Variants in DYM observed in about 807,000 individuals in gnomAD.
DYM encodes the protein dyggve-Melchior-Clausen syndrome protein.
DYM carries 78 observed loss-of-function variants against 93.1 expected under a neutral mutation model. The observed-to-expected ratio is 0.84, with a 90% CI of 0.70 to 1.01. The LOEUF is 1.01. Among genes scored for constraint, DYM ranks in the 50% least tolerant of loss-of-function variants. The probability of loss-of-function intolerance (pLI) is 0.00; values close to 1 mark genes in which losing one functional copy is unlikely to be tolerated. For synonymous variants in DYM, 321 were observed against 319.7 expected (o/e 1.00, Z -0.04); for missense variants, 789 against 845.0 (o/e 0.93, Z 0.82).
intron 5 of DYM, chr18:49,375,606 A>G (rs2067434627): frequency 6.6e-6 from 1 of 152,216 alleles, no homozygotes; most frequent in African/African-American, 2.4e-5. Flanking sequence ...TTCAAGAATA[A>G]TAAAGTTATC....
Position 49,040,928 on chromosome 18 carries a change from C to T in DYM, c.*3127G>A, listed in dbSNP as rs1409279894. Among the ~76,000 whole-genome samples, 1 of 152,236 alleles carries T rather than the reference C, an allele frequency of 6.6e-6. No individual in the cohort carries two copies. Among genetic ancestry groups the T allele is most frequent in the East Asian group, 1.9e-4 (1 of 5,204 alleles). On this transcript the variant is annotated 3_prime_UTR_variant, in exon 18 of 18. Transcript: ENST00000675505. Reference sequence around the variant, plus strand: ...AATATTTCTCTTGGATGTACCTTAGCAAGCTCTTAGGAAGTTGCTGAGTGT... The same window carrying T: ...AATATTTCTCTTGGATGTACCTTAGTAAGCTCTTAGGAAGTTGCTGAGTGT...
intron 3 of DYM, among the ~76,000 whole-genome samples, chr18:49,385,822 G>A (rs532096455): frequency 6.6e-6 from 1 of 152,144 alleles, no homozygotes; most frequent in East Asian, 1.9e-4. Context: ...TGGGAGGCAT[G>A]CTTGGGGTCA....
chr18:49,257,171 A>G, intron 12 of DYM, 67 bp from the exon 13 acceptor site: 1 of 1,239,510 alleles, frequency 8.1e-7, no homozygotes, highest in Non-Finnish European at 1.2e-6. Context: ...AAGGTTAACT[A>G]TTAATAGAAG....
At chr18:49,408,424 T>C (rs2071781341) in intron 2 of DYM, among the ~76,000 whole-genome samples, 1 of 152,216 alleles carries the variant, frequency 6.6e-6, no homozygotes, top group Non-Finnish European at 1.5e-5. Flanking sequence ...TCCAATTATG[T>C]CCTTAACATA....
Position 49,288,274 on chromosome 18 carries a change from A to G in DYM, c.764-1658T>C, listed in dbSNP as rs536449459. Among the ~76,000 whole-genome samples, 4 of 152,310 alleles carry G rather than the reference A, an allele frequency of 2.6e-5. No individual in the cohort carries two copies. In the East Asian group the frequency reaches 7.7e-4, roughly 29 times the overall value. Reference sequence around the variant, plus strand: ...ATGGTCAACACCACCAACAACAATAAAAATTAAAAGCTTTACATACAATCA... The same window carrying G: ...ATGGTCAACACCACCAACAACAATAGAAATTAAAAGCTTTACATACAATCA... On this transcript the variant is annotated intron_variant, in intron 8 of 17. Transcript: ENST00000675505.
chr18:49,355,829 T>A (rs2065515594), intron 6 of DYM, among the ~76,000 whole-genome samples: 1 of 152,190 alleles, frequency 6.6e-6, no homozygotes, highest in Non-Finnish European at 1.5e-5. Context: ...GACTTATTTT[T>A]TCAAAATAAT....
intron 15 of DYM, among the ~76,000 whole-genome samples, chr18:49,158,894 T>G (rs571066517): frequency 3.5e-4 from 54 of 152,268 alleles, no homozygotes; most frequent in African/African-American, 1.3e-3. Flanking sequence ...TTGAAATAAC[T>G]AAAAGAGCAT....
chr18:49,341,491 C>CAAAA (rs10578063), intron 6 of DYM, among the ~76,000 whole-genome samples: 1 of 64,916 alleles, frequency 1.5e-5, no homozygotes, highest in African/African-American at 7.4e-5. Context: ...GACTCCATCG[C>CAAAA]AAAAAAAAAA....
At chr18:49,382,270 G>A (rs1177251773) in intron 3 of DYM, among the ~76,000 whole-genome samples, 1 of 152,122 alleles carries the variant, frequency 6.6e-6, no homozygotes, top group Non-Finnish European at 1.5e-5. Context: ...ACTCATATGT[G>A]CCCACACTGT....
At chr18:49,060,430 G>A (rs1184244567) in intron 17 of DYM, among the ~76,000 whole-genome samples, 1 of 151,874 alleles carries the variant, frequency 6.6e-6, no homozygotes, top group Non-Finnish European at 1.5e-5. Context: ...CCTCTCCAGT[G>A]CCCAGTATCT....
intron 17 of DYM, among the ~76,000 whole-genome samples, chr18:49,088,591 G>A (rs1248158246): frequency 6.7e-6 from 1 of 148,454 alleles, no homozygotes; most frequent in African/African-American, 2.5e-5. Flanking sequence ...TTTTTAAACA[G>A]TACTCCATAA....
At chr18:49,121,726 T>A (rs1346008822) in intron 15 of DYM, among the ~76,000 whole-genome samples, 1 of 152,076 alleles carries the variant, frequency 6.6e-6, no homozygotes, top group Non-Finnish European at 1.5e-5. Flanking sequence ...AAGATAAGAA[T>A]CACAGCTGAC....
intron 15 of DYM, among the ~76,000 whole-genome samples, chr18:49,132,600 T>C (rs982678665): frequency 2.6e-5 from 4 of 152,150 alleles, no homozygotes; most frequent in Non-Finnish European, 4.4e-5. Context: ...CTCATTTTGT[T>C]CTTCCTTAAA....
At chr18:49,162,542 G>A (rs1334869628) in intron 15 of DYM, among the ~76,000 whole-genome samples, 1 of 152,074 alleles carries the variant, frequency 6.6e-6, no homozygotes, top group Non-Finnish European at 1.5e-5. Context: ...CATTTATAAG[G>A]GATCCAATCA....
At chr18:49,230,047 T>C (rs904867159) in intron 13 of DYM, among the ~76,000 whole-genome samples, 2 of 152,252 alleles carry the variant, frequency 1.3e-5, no homozygotes, top group East Asian at 1.9e-4. Flanking sequence ...GAAGGGGGCT[T>C]GGGTAGTAAG....
At chr18:49,163,234 T>C (rs6507885) in intron 15 of DYM, among the ~76,000 whole-genome samples, 151,588 of 152,328 alleles carry the variant, frequency 1, 75,433 homozygotes, top group Middle Eastern at 1. Flanking sequence ...TGAGACATCA[T>C]TCTTCTATTT....
rs1273540215 is a variant in DYM, at chr18:49,209,885, T to TA, written c.1461-171dup. On this transcript the variant is annotated intron_variant, in intron 13 of 17. Transcript: ENST00000675505. ...TAAAAAAGAAAATGAACAATCAGAA[T>TA]AAAAAATGGGCAAAAGATCTAAACA... 2.7e-5 allele frequency among the ~76,000 whole-genome samples: 4 copies of TA among 148,944 alleles called. No individual in the cohort carries two copies. In the East Asian group the frequency reaches 5.9e-4, roughly 22 times the overall value.
chr18:49,314,527 CTAAA>C (rs1555688653), intron 8 of DYM, among the ~76,000 whole-genome samples: 1 of 152,174 alleles, frequency 6.6e-6, no homozygotes, highest in Non-Finnish European at 1.5e-5. Context: ...TTCAGTTTTA[CTAAA>C]TAAAGACCAA....
intron 15 of DYM, among the ~76,000 whole-genome samples, chr18:49,149,591 G>A (rs1001781821): frequency 6.6e-6 from 1 of 151,858 alleles, no homozygotes; most frequent in African/African-American, 2.4e-5. Context: ...CTTCATGAGA[G>A]CAGAGATTTT....
Sources: allele counts gnomAD v4.1 joint callset (sites outside exome capture counted in the v4.1 genomes callset), GRCh38; gene constraint gnomAD v4.1.1; transcripts MANE v1.5; gene names NCBI Gene and HGNC (gene_info 2026-07-23, HGNC 2026-07-21).